The following PPP1R13B variants were observed in gnomAD, a reference collection of about 807,000 sequenced individuals.
PPP1R13B encodes apoptosis-stimulating of p53 protein 1.
PPP1R13B carries 44 observed loss-of-function variants against 119.8 expected under a neutral mutation model. That is an observed-to-expected ratio of 0.37 (90% CI 0.29 to 0.47). PPP1R13B has a LOEUF of 0.47. Among genes scored for constraint, PPP1R13B ranks in the 20% least tolerant of loss-of-function variants. PPP1R13B has a pLI of 0.99. For missense variants in PPP1R13B, 1,227 were observed against 1,413.5 expected, an observed-to-expected ratio of 0.87 and a Z score of 2.12; for synonymous variants, 542 against 561.5, an observed-to-expected ratio of 0.97 and a Z score of 0.49.
chr14:103,847,632 C>A, upstream of PPP1R13B: 3 of 985,222 alleles, frequency 3.0e-6, no homozygotes, highest in Non-Finnish European at 3.6e-6. Flanking sequence ...CCCAGCGCGA[C>A]GCCCCGCACG....
At position 103,742,594 on chromosome 14, in the gene PPP1R13B, G is replaced by A; in HGVS notation, c.1320+60C>T. ...GTCATACCCTTTAGCTTAGTACTAA[G>A]GCAGAAGAGAGCCCTGTTGAAGAGC... On this transcript the variant is annotated intron_variant, in intron 10 of 16. Coordinates refer to ENST00000202556, the MANE Select transcript of PPP1R13B (RefSeq NM_015316.3). This position sits in a 1 kb window ranked among gnomAD's most constrained non-coding sequence, Gnocchi z 4.9. 1.9e-6 allele frequency: 3 copies of A among 1,573,210 alleles called. No individual in the cohort carries two copies. The highest frequency in any genetic ancestry group is 2.6e-6 in the Non-Finnish European group (3 of 1,158,804).
Position 103,792,080 on chromosome 14 carries a change from C to T in PPP1R13B, c.157+5291G>A, listed in dbSNP as rs550593634. Among the ~76,000 whole-genome samples, 6 of 151,946 alleles carry T rather than the reference C, an allele frequency of 3.9e-5. 1 individual carries two copies. The highest frequency in any genetic ancestry group is 1.3e-4 in the Admixed American group (2 of 15,258). ...AATTTACAACCTATATTTAAATATA[C>T]CAAGTCTGAACATAACCTAATAAAA... On this transcript the variant is annotated intron_variant, in intron 2 of 16. Transcript: ENST00000202556.
chr14:103,828,293 TG>T (rs1239363914), intron 1 of PPP1R13B, among the ~76,000 whole-genome samples: 1 of 145,386 alleles, frequency 6.9e-6, no homozygotes, highest in South Asian at 2.1e-4. Context: ...CACTTGAACC[TG>T]GGAGGCAGAG....
Position 103,734,235 on chromosome 14 carries a change from C to G in PPP1R13B, c.*919G>C. ...CCAGCTGCTGCTCCTTGGTGGCGGC[C>G]CCTCCTGACACCAGGCGTCTGCCAT... On this transcript the variant is annotated 3_prime_UTR_variant, in exon 17 of 17. Coordinates refer to ENST00000202556, the MANE Select transcript of PPP1R13B (RefSeq NM_015316.3). The G allele has an allele frequency of 3.6e-6, 1 of 280,656 alleles. No homozygotes were observed. Among genetic ancestry groups the G allele is most frequent in the Non-Finnish European group, 7.2e-6 (1 of 138,888 alleles). The allele number at this position is 280,656 out of a possible 1,614,324, so 17.4% of individuals were successfully genotyped here.
rs187066683 is a variant in PPP1R13B at position 103,739,974 on chromosome 14, G to A, written c.2442C>T (p.Ala814=). The A allele has an allele frequency of 3.5e-5, 57 of 1,614,096 alleles. No individual in the cohort carries two copies. Among genetic ancestry groups the A allele is most frequent in the East Asian group, 1.6e-4 (7 of 44,876 alleles). The change falls in exon 12 of 17, where the codon GCC becomes GCT. Residue 814 remains alanine (A), a synonymous_variant. Transcript: ENST00000202556. ...TGTTGTTATTGTCCTCTGCCGGCTC[G>A]GCAGTTTGGTGGGTGGTTTGGGGAC... is the stretch of plus-strand genomic sequence containing the variant. ...LICPQTTHQT[A]EPAEDNNNNV...
intron 4 of PPP1R13B, among the ~76,000 whole-genome samples, chr14:103,769,832 T>A (rs1182885579): frequency 1.3e-5 from 2 of 152,186 alleles, no homozygotes; most frequent in Non-Finnish European, 2.9e-5. Context: ...ACATAAATTA[T>A]ATGCTCAGTA....
intron 2 of PPP1R13B, among the ~76,000 whole-genome samples, chr14:103,790,529 C>T (rs1324163947): frequency 1.3e-5 from 2 of 152,148 alleles, no homozygotes; most frequent in African/African-American, 4.8e-5. Flanking sequence ...GTAATCCCAG[C>T]ACTTTGGGAG....
At chr14:103,775,603 C>T (rs1225108049) in intron 4 of PPP1R13B, among the ~76,000 whole-genome samples, 1 of 152,176 alleles carries the variant, frequency 6.6e-6, no homozygotes, top group Admixed American at 6.6e-5. Context: ...TCAAAAAGAT[C>T]TTCAACATTC....
chr14:103,844,823 T>C (rs2086992037), intron 1 of PPP1R13B, among the ~76,000 whole-genome samples: 1 of 152,198 alleles, frequency 6.6e-6, no homozygotes, highest in Non-Finnish European at 1.5e-5. Flanking sequence ...TTGTCCAATA[T>C]GGTAGTCACT....
At chr14:103,755,114 T>G (rs1377003649) in intron 5 of PPP1R13B, among the ~76,000 whole-genome samples, 1 of 151,856 alleles carries the variant, frequency 6.6e-6, no homozygotes, top group African/African-American at 2.4e-5. Flanking sequence ...TCTACACCAG[T>G]TAATATAAGC....
intron 4 of PPP1R13B, among the ~76,000 whole-genome samples, chr14:103,768,920 T>G (rs1344844636): frequency 6.6e-6 from 1 of 152,154 alleles, no homozygotes; most frequent in Non-Finnish European, 1.5e-5. Context: ...TATATTTCTG[T>G]GTATATATTT....
At chr14:103,818,995 T>C (rs2086341655) in intron 1 of PPP1R13B, among the ~76,000 whole-genome samples, 1 of 151,988 alleles carries the variant, frequency 6.6e-6, no homozygotes, top group Non-Finnish European at 1.5e-5. Context: ...TAATTCTAAG[T>C]TGGAAGGGGA....
At chr14:103,766,596 A>G (rs2084944222) in intron 4 of PPP1R13B, among the ~76,000 whole-genome samples, 1 of 152,184 alleles carries the variant, frequency 6.6e-6, no homozygotes, top group South Asian at 2.1e-4. Context: ...TCTAAATCAT[A>G]TGAAAATACT....
intron 2 of PPP1R13B, among the ~76,000 whole-genome samples, chr14:103,787,230 C>A (rs1380434787): frequency 6.6e-6 from 1 of 151,766 alleles, no homozygotes; most frequent in Non-Finnish European, 1.5e-5. Context: ...AGGTGGACCA[C>A]CTGAGGTTAG....
At position 103,734,160 on chromosome 14, in the gene PPP1R13B, G is replaced by A. The variant is rs185676029; in HGVS notation, c.*994C>T. Reference sequence around the variant, plus strand: ...CAAAGGTGGCCTCACAGCCAGCCCAGGCAGGGAGATCGGCAGAGAGGGGTG... The same window carrying A: ...CAAAGGTGGCCTCACAGCCAGCCCAAGCAGGGAGATCGGCAGAGAGGGGTG... On this transcript the variant is annotated 3_prime_UTR_variant, in exon 17 of 17. Transcript: ENST00000202556. 7.8e-5 allele frequency: 18 copies of A among 229,484 alleles called. No individual in the cohort carries two copies. The highest frequency in any genetic ancestry group is 1.5e-4 in the Non-Finnish European group (17 of 112,024). 14.2% of individuals were successfully genotyped at this position (229,484 alleles called of 1,614,324 possible).
chr14:103,753,090 C>T lies in PPP1R13B; in HGVS notation c.738G>A (p.Lys246=). The T allele has an allele frequency of 6.2e-7, 1 of 1,614,112 alleles. No individual in the cohort carries two copies. Among genetic ancestry groups the T allele is most frequent in the Non-Finnish European group, 8.5e-7 (1 of 1,180,036 alleles). The change falls in exon 7 of 17, where the codon AAG becomes AAA. Residue 246 remains lysine, a synonymous_variant. Transcript: ENST00000202556. ...ACTGGAACCCATTCAGTTTTCCTTT[C>T]TTTAAATCTTCCAATTGCTGACTAA... ...DQLSQQLEDL[K]KGKLNGFQSY... is the part of the protein sequence containing the mutation.
chr14:103,839,858 CAT>C (rs969559595), intron 1 of PPP1R13B, among the ~76,000 whole-genome samples: 3 of 152,188 alleles, frequency 2.0e-5, no homozygotes, highest in Admixed American at 2.0e-4. Context: ...ACAATCACAA[CAT>C]GTGGCATAAA....
chr14:103,790,874 G>T (rs2085600155), intron 2 of PPP1R13B, among the ~76,000 whole-genome samples: 1 of 152,160 alleles, frequency 6.6e-6, no homozygotes, highest in Non-Finnish European at 1.5e-5. Flanking sequence ...GGGTGTGATG[G>T]CGTGCCTGTA....
At chr14:103,846,448 T>C (rs1229886704) in intron 1 of PPP1R13B, among the ~76,000 whole-genome samples, 2 of 152,238 alleles carry the variant, frequency 1.3e-5, no homozygotes, top group Non-Finnish European at 2.9e-5. Flanking sequence ...TGTGTTACTT[T>C]ACTATAAACG....
Sources: gnomAD v4.1 joint callset for allele counts (sites outside exome capture counted in the v4.1 genomes callset) on GRCh38, gnomAD v4.1.1 for gene constraint, Gnocchi (gnomAD v3.1) non-coding constraint, MANE v1.5 for transcripts, NCBI Gene and HGNC (gene_info 2026-07-23, HGNC 2026-07-21) for gene names.